The following ESR1 variants were observed in gnomAD, a reference collection of about 807,000 sequenced individuals.
The protein encoded by ESR1 is estrogen receptor.
In ESR1, 12 loss-of-function variants were observed where a neutral mutation model predicts 52.7. The observed-to-expected ratio is 0.23, with a 90% confidence interval of 0.15 to 0.37. The LOEUF is 0.37. ESR1 is among the 10% of genes least tolerant of loss of function. The pLI is 1.00. For missense variants in ESR1, 584 were observed against 779.7 expected (o/e 0.75, Z 2.99); for synonymous variants, 305 against 316.8 (o/e 0.96, Z 0.39).
chr6:151,861,892 T>C (rs932961629), intron 2 of ESR1, among the ~76,000 whole-genome samples: 17 of 152,268 alleles, frequency 1.1e-4, no homozygotes, highest in African/African-American at 3.8e-4. Context: ...ATGGACTGCA[T>C]AAATGTAGCC....
intron 5 of ESR1, among the ~76,000 whole-genome samples, chr6:152,021,748 G>C (rs1040017448): frequency 6.6e-6 from 1 of 152,134 alleles, no homozygotes; most frequent in African/African-American, 2.4e-5. Flanking sequence ...GTTGTGGGAG[G>C]GACCCGGTGG....
At chr6:151,851,489 A>G (rs913782489) in intron 2 of ESR1, among the ~76,000 whole-genome samples, 2 of 151,972 alleles carry the variant, frequency 1.3e-5, no homozygotes, top group East Asian at 1.9e-4. Flanking sequence ...GCAACACAAA[A>G]ACATTATACT....
intron 3 of ESR1, among the ~76,000 whole-genome samples, chr6:151,883,230 C>A (rs530601804): frequency 3.3e-5 from 5 of 151,850 alleles, no homozygotes; most frequent in African/African-American, 1.2e-4. Flanking sequence ...GGCGATTCTC[C>A]TGCTTCAACT....
chr6:152,086,439 TTAAA>T (rs1337039901), intron 6 of ESR1, among the ~76,000 whole-genome samples: 1 of 148,626 alleles, frequency 6.7e-6, no homozygotes, highest in East Asian at 1.9e-4. Flanking sequence ...TAATTAATAT[TTAAA>T]TAAATATAAT....
intron 2 of ESR1, among the ~76,000 whole-genome samples, chr6:151,752,484 T>A (rs1430578266): frequency 1.3e-5 from 2 of 151,738 alleles, no homozygotes; most frequent in Non-Finnish European, 2.9e-5. Flanking sequence ...TTTTTTTTTT[T>A]TAGAAATCTA....
chr6:151,877,528 G>T (rs1303932659), intron 2 of ESR1, among the ~76,000 whole-genome samples: 1 of 152,086 alleles, frequency 6.6e-6, no homozygotes. Context: ...TTCCATTTTT[G>T]TTAAGAGACG....
At chr6:151,709,313 TTC>T (rs1780409886) in intron 2 of ESR1, among the ~76,000 whole-genome samples, 2 of 152,228 alleles carry the variant, frequency 1.3e-5, no homozygotes, top group Admixed American at 1.3e-4. Flanking sequence ...GACAATATTT[TTC>T]TCTTTTTTTA....
intron 4 of ESR1, among the ~76,000 whole-genome samples, chr6:151,957,198 C>T (rs560647736): frequency 8.6e-5 from 13 of 152,024 alleles, no homozygotes; most frequent in Middle Eastern, 3.4e-3. Flanking sequence ...ATATTACAGC[C>T]GTTGAAGGAC....
Position 151,720,525 on chromosome 6 carries a change from T to C in ESR1, c.-71+18520T>C, listed in dbSNP as rs547456050. Among the ~76,000 whole-genome samples, 8 of 152,332 alleles carry C rather than the reference T, an allele frequency of 5.3e-5. 1 individual carries two copies. The South Asian group carries it at 1.0e-3, about 20-fold the overall frequency. On this transcript the variant is annotated intron_variant, in intron 2 of 2. Transcript: ENST00000404742. ...CAAACTTTGTGCTTCTTAAGAGATT[T>C]ACAGTGCAGATTAGCACATTAAAGC...
intron 5 of ESR1, among the ~76,000 whole-genome samples, chr6:152,058,063 G>A (rs2047246318): frequency 6.6e-6 from 1 of 152,156 alleles, no homozygotes; most frequent in East Asian, 1.9e-4. Flanking sequence ...TCCCCTGCCG[G>A]TGTGCAGTCT....
chr6:152,109,437 G>A (rs974385724), intron 6 of ESR1, among the ~76,000 whole-genome samples: 18 of 151,884 alleles, frequency 1.2e-4, no homozygotes, highest in African/African-American at 4.4e-4. Flanking sequence ...AGGCCAAGGC[G>A]GGCGGATCAC....
chr6:151,739,937 T>C (rs1247129132), intron 2 of ESR1, among the ~76,000 whole-genome samples: 2 of 152,198 alleles, frequency 1.3e-5, no homozygotes, highest in Non-Finnish European at 2.9e-5. Context: ...TCCAGCAATA[T>C]TTATTGAGAA....
intron 5 of ESR1, among the ~76,000 whole-genome samples, chr6:152,019,726 G>A (rs923459087): frequency 5.9e-5 from 9 of 152,080 alleles, no homozygotes; most frequent in South Asian, 2.1e-4. Flanking sequence ...TGCAGGGACC[G>A]TCAAGTAATT....
intron 2 of ESR1, among the ~76,000 whole-genome samples, chr6:151,707,672 A>G (rs1242702173): frequency 6.6e-6 from 1 of 152,106 alleles, no homozygotes; most frequent in African/African-American, 2.4e-5. Context: ...TAGAATGTCA[A>G]GGGGCAAAGT....
chr6:151,802,523 A>C (rs1777361044), upstream of ESR1, among the ~76,000 whole-genome samples: 1 of 152,206 alleles, frequency 6.6e-6, no homozygotes. Context: ...GGAGCTAGAG[A>C]AGAAGCTATG....
intron 6 of ESR1, among the ~76,000 whole-genome samples, chr6:152,092,364 C>A (rs767002549): frequency 6.6e-6 from 1 of 152,186 alleles, no homozygotes; most frequent in African/African-American, 2.4e-5. Context: ...GTTATTGTTA[C>A]GTTAGTTTTA....
At chr6:152,018,325 C>T (rs2043322200) in intron 5 of ESR1, among the ~76,000 whole-genome samples, 1 of 150,082 alleles carries the variant, frequency 6.7e-6, no homozygotes, top group Admixed American at 6.6e-5. Context: ...AAAAAAAATG[C>T]CCAAAAATCA....
chr6:151,881,882 C>CAATAAATA (rs66997460), intron 3 of ESR1, among the ~76,000 whole-genome samples: 180 of 134,866 alleles, frequency 1.3e-3, no homozygotes, highest in East Asian at 5.6e-3. Context: ...GACTCTGTCT[C>CAATAAATA]AATAAATAAA....
At chr6:151,874,278 A>G (rs1048568846) in intron 2 of ESR1, among the ~76,000 whole-genome samples, 5 of 152,116 alleles carry the variant, frequency 3.3e-5, no homozygotes, top group African/African-American at 1.2e-4. Context: ...ATTTTTTTTC[A>G]GAGTACTGTA....
Sources: gnomAD v4.1 joint callset for allele counts (sites outside exome capture counted in the v4.1 genomes callset) on GRCh38, gnomAD v4.1.1 for gene constraint, MANE v1.5 for transcripts, NCBI Gene and HGNC (gene_info 2026-07-23, HGNC 2026-07-21) for gene names.